STK26: variants seen among roughly 807,000 people sequenced by gnomAD.
STK26 encodes the protein serine/threonine-protein kinase 26.
A neutral mutation model predicts 34.7 loss-of-function variants in STK26; 14 were observed. The observed-to-expected ratio is 0.40, with a 90% CI of 0.27 to 0.63. The LOEUF (loss-of-function observed/expected upper bound fraction) is 0.63, where lower values mean the gene tolerates loss of function less well. Among genes scored for constraint, STK26 ranks in the 30% least tolerant of loss-of-function variants. The pLI, the probability that STK26 is intolerant of heterozygous loss-of-function variation, is 0.38. For missense variants in STK26, 226 were observed against 309.1 expected, an observed-to-expected ratio of 0.73 and a Z score of 2.02; for synonymous variants, 100 against 109.8, an observed-to-expected ratio of 0.91 and a Z score of 0.56.
intron 2 of STK26, among the ~76,000 whole-genome samples, chrX:132,028,573 A>G (rs1925699643): frequency 8.9e-6 from 1 of 111,908 alleles, no homozygotes; most frequent in Non-Finnish European, 1.9e-5. Context: ...GAAGGACTAG[A>G]GACATCAAGG....
rs1423862074 is a variant in STK26 at position 132,044,743 on chromosome X, CTA to C, written c.43-9878_43-9877del. ...TATATTTATATATATATAGAGAGAT[CTA>C]TATATATATTTATATATATATAGAG... On this transcript the variant is annotated intron_variant, in intron 2 of 11. Coordinates refer to ENST00000394334, the MANE Select transcript of STK26 (RefSeq NM_016542.4). Among the ~76,000 whole-genome samples the C allele has an allele frequency of 5.1e-5, 2 of 39,107 alleles. 1 individual carries two copies. Among genetic ancestry groups the C allele is most frequent in the Non-Finnish European group, 9.5e-5 (2 of 21,154 alleles). 34.0% of individuals were successfully genotyped at this position (39,107 alleles called of 115,157 possible). A position where few individuals can be genotyped will look rare whatever the true frequency, so the allele number is the denominator to read the frequency against.
intron 3 of STK26, 55 bp downstream of exon 3, chrX:132,054,916 T>A (rs1926805087): frequency 1.9e-6 from 2 of 1,027,925 alleles, no homozygotes. Context: ...AGAAGTTTTT[T>A]AATTCTATTT....
chrX:132,043,623 A>G (rs1926342580), intron 2 of STK26, among the ~76,000 whole-genome samples: 1 of 111,479 alleles, frequency 9.0e-6, no homozygotes, highest in Non-Finnish European at 1.9e-5. Context: ...GTGTATTTCT[A>G]TATGTATTTA....
chrX:132,072,010 G>A (rs1927429996), intron 8 of STK26, among the ~76,000 whole-genome samples: 1 of 111,613 alleles, frequency 9.0e-6, no homozygotes, highest in Non-Finnish European at 1.9e-5. Flanking sequence ...GATTCAATAG[G>A]TGGGGAGTAG....
At chrX:132,052,816 C>T (rs926919926) in intron 2 of STK26, among the ~76,000 whole-genome samples, 2 of 112,151 alleles carry the variant, frequency 1.8e-5, no homozygotes, top group African/African-American at 6.5e-5. Context: ...ATAAATGATA[C>T]ATTCCCAAAT....
chrX:132,049,175 G>A (rs1406745123), intron 2 of STK26, among the ~76,000 whole-genome samples: 1 of 111,390 alleles, frequency 9.0e-6, no homozygotes, highest in Non-Finnish European at 1.9e-5. Context: ...AGTAGAGATA[G>A]GGTTTCACCC....
chrX:132,031,008 T>C (rs765018420), intron 2 of STK26, among the ~76,000 whole-genome samples: 1 of 110,969 alleles, frequency 9.0e-6, no homozygotes, highest in Non-Finnish European at 1.9e-5. Flanking sequence ...ACAATCACAG[T>C]TTACTGCAGC....
At chrX:132,050,976 T>C (rs1382148265) in intron 2 of STK26, among the ~76,000 whole-genome samples, 1 of 111,945 alleles carries the variant, frequency 8.9e-6, no homozygotes, top group East Asian at 2.8e-4. Flanking sequence ...CTCAGTAGGC[T>C]GAATCAGTAG....
Position 132,074,194 on chromosome X carries a change from CAG to C in STK26, c.*40_*41del, listed in dbSNP as rs1927521976. On this transcript the variant is annotated 3_prime_UTR_variant, in exon 12 of 12. Coordinates refer to ENST00000394334, the MANE Select transcript of STK26 (RefSeq NM_016542.4). Reference sequence around the variant, plus strand: ...TATTGGCTTCTGTTTCATATGGACCCAGAGAGCCCCACCAAACCTACGTCAAG... The same window carrying C: ...TATTGGCTTCTGTTTCATATGGACCCAGAGCCCCACCAAACCTACGTCAAG... 1.7e-6 allele frequency: 2 copies of C among 1,179,881 alleles called. No homozygotes were observed. Among genetic ancestry groups the C allele is most frequent in the African/African-American group, 3.6e-5 (2 of 56,172 alleles).
At chrX:132,023,709 C>G (rs757384644) in intron 2 of STK26, 50 bp downstream of exon 2, 6 of 1,154,409 alleles carry the variant, frequency 5.2e-6, no homozygotes, top group Non-Finnish European at 6.9e-6. Flanking sequence ...CTTGGGAGCC[C>G]GGTGCGCCCT....
chrX:132,074,743 A>G lies in STK26; in HGVS notation c.*584A>G, dbSNP rs1927545801. The G allele has an allele frequency of 9.0e-6, 1 of 111,175 alleles. No individual in the cohort carries two copies. The highest frequency in any genetic ancestry group is 3.7e-4 in the South Asian group (1 of 2,681). 9.2% of individuals were successfully genotyped at this position (111,175 alleles called of 1,213,427 possible). A position where few individuals can be genotyped will look rare whatever the true frequency, so the allele number is the denominator to read the frequency against. On this transcript the variant is annotated 3_prime_UTR_variant, in exon 12 of 12. Coordinates refer to ENST00000394334, the MANE Select transcript of STK26 (RefSeq NM_016542.4). ...CAGCTCAATGATTATCACATTTGAG[A>G]CCCTGTGTTTGAAGCATTTACAGGC...
chrX:132,026,459 A>C (rs1352048362), intron 2 of STK26, among the ~76,000 whole-genome samples: 1 of 111,920 alleles, frequency 8.9e-6, no homozygotes, highest in East Asian at 2.8e-4. Flanking sequence ...GGAATTTTCC[A>C]TACCAGTAGC....
chrX:132,050,290 C>A (rs986566142), intron 2 of STK26, among the ~76,000 whole-genome samples: 20 of 111,749 alleles, frequency 1.8e-4, no homozygotes, highest in African/African-American at 6.2e-4. Context: ...CACATCTTAA[C>A]CTATTATAGG....
intron 6 of STK26, 64 bp from the exon 7 acceptor site, chrX:132,069,414 T>C (rs1160173653): frequency 5.9e-3 from 98 of 16,628 alleles, no homozygotes; most frequent in Middle Eastern, 0.018. Flanking sequence ...CATACACATA[T>C]ATATATATAT....
At chrX:132,068,708 T>A (rs1195373885) in intron 6 of STK26, 139 bp downstream of exon 6, 3 of 655,149 alleles carry the variant, frequency 4.6e-6, no homozygotes, top group Admixed American at 4.0e-5. Context: ...TTTTGCTGCT[T>A]AATCATAAAT....
At chrX:132,056,412 T>C (rs1926860353) in intron 3 of STK26, among the ~76,000 whole-genome samples, 1 of 111,979 alleles carries the variant, frequency 8.9e-6, no homozygotes, top group African/African-American at 3.2e-5. Context: ...GCTTTGTCAC[T>C]TGAGATTAGT....
intron 2 of STK26, among the ~76,000 whole-genome samples, chrX:132,037,114 T>C (rs766504896): frequency 2.3e-4 from 26 of 112,264 alleles, no homozygotes; most frequent in Non-Finnish European, 4.5e-4. Context: ...TAAATATTTT[T>C]ATTATATGAA....
At chrX:132,044,740 GATCTATATATATATTTATATATATAT>G (rs1569330159) in intron 2 of STK26, among the ~76,000 whole-genome samples, 3,842 of 66,141 alleles carry the variant, frequency 0.058, 450 homozygotes, top group Middle Eastern at 0.12. Context: ...TATATAGAGA[GATCTATATATATATTTATATATATAT>G]AGAGAGATCT....
At chrX:132,066,038 G>C (rs1046375686) in intron 4 of STK26, among the ~76,000 whole-genome samples, 1 of 111,705 alleles carries the variant, frequency 9.0e-6, no homozygotes, top group African/African-American at 3.3e-5. Context: ...TTAGCAGAGA[G>C]TGTTTCTCAC....
Sources: allele counts gnomAD v4.1 joint callset (sites outside exome capture counted in the v4.1 genomes callset), GRCh38; gene constraint gnomAD v4.1.1; transcripts MANE v1.5; gene names NCBI Gene and HGNC (gene_info 2026-07-23, HGNC 2026-07-21).